Variants in POLDIP3 observed in about 807,000 individuals in gnomAD.
The protein encoded by POLDIP3 is polymerase delta-interacting protein 3.
Under a neutral mutation model 45.1 loss-of-function variants are expected in POLDIP3, and 14 were observed. The ratio of observed to expected loss-of-function variants is 0.31; its 90% CI spans 0.20 to 0.49. POLDIP3 has a LOEUF of 0.49. Ranked by LOEUF, POLDIP3 falls within the 20% of genes least tolerant of loss-of-function variation. The pLI, the probability that POLDIP3 is intolerant of heterozygous loss-of-function variation, is 0.99. For missense variants in POLDIP3, 511 were observed against 538.8 expected (o/e 0.95, Z 0.51); for synonymous variants, 223 against 205.2 (o/e 1.09, Z -0.74).
At chr22:42,599,012 C>T (rs751220283) in intron 4 of POLDIP3, among the ~76,000 whole-genome samples, 1 of 152,220 alleles carries the variant, frequency 6.6e-6, no homozygotes, top group African/African-American at 2.4e-5. Context: ...TGTTAACCAA[C>T]GGAATCCAGA....
chr22:42,599,950 A>G (rs1485598208), intron 3 of POLDIP3, among the ~76,000 whole-genome samples, 157 bp from the exon 4 acceptor site: 13 of 152,188 alleles, frequency 8.5e-5, no homozygotes, highest in Admixed American at 8.5e-4. Flanking sequence ...CTGGGGCCCA[A>G]GTCTTCACAG....
intron 4 of POLDIP3, among the ~76,000 whole-genome samples, chr22:42,599,363 G>C (rs1926200647): frequency 6.6e-6 from 1 of 152,270 alleles, no homozygotes; most frequent in Non-Finnish European, 1.5e-5. Flanking sequence ...CAGCACCTTG[G>C]GAGGCCGAGG....
Position 42,583,735 on chromosome 22 carries a change from G to A in POLDIP3, c.*2056C>T, listed in dbSNP as rs1284892914. The A allele has an allele frequency of 1.4e-5, 2 of 146,062 alleles. No individual in the cohort carries two copies. Among genetic ancestry groups the A allele is most frequent in the African/African-American group, 2.5e-5 (1 of 39,772 alleles). 9.0% of individuals were successfully genotyped at this position (146,062 alleles called of 1,614,324 possible). A position where few individuals can be genotyped will look rare whatever the true frequency, so the allele number is the denominator to read the frequency against. The stretch of plus-strand genomic sequence containing the variant: ...TAACTCAAAGGTAGGAATAACAAAT[G>A]TTTATTCAGAAATGGATAAGTAATA... On this transcript the variant is annotated 3_prime_UTR_variant, in exon 9 of 9. Transcript: ENST00000252115.
chr22:42,600,511 A>G (rs1008865578), intron 3 of POLDIP3, among the ~76,000 whole-genome samples: 2 of 152,112 alleles, frequency 1.3e-5, no homozygotes, highest in African/African-American at 4.8e-5. Flanking sequence ...CTGTAGTCCC[A>G]GCTACTCGGG....
Position 42,584,613 on chromosome 22 carries a change from G to C in POLDIP3, c.*1178C>G. On this transcript the variant is annotated 3_prime_UTR_variant, in exon 9 of 9. Transcript: ENST00000252115. The stretch of plus-strand genomic sequence containing the variant: ...ACACTGGCCTGGTCATTCAGGGACT[G>C]CCTGGGCTCTGAAGTTTCGTCCCAA... 1 of 323,754 alleles carries C rather than the reference G, an allele frequency of 3.1e-6. No individual in the cohort carries two copies. The highest frequency in any genetic ancestry group is 6.0e-6 in the Non-Finnish European group (1 of 166,664). The allele number at this position is 323,754 out of a possible 1,614,324, so 20.1% of individuals were successfully genotyped here.
chr22:42,603,941 A>T (rs1569303219), intron 1 of POLDIP3, among the ~76,000 whole-genome samples: 2 of 152,000 alleles, frequency 1.3e-5, no homozygotes. Context: ...AAAATAAAAT[A>T]TTTTTTTTAA....
At chr22:42,599,910 T>A in intron 3 of POLDIP3, 117 bp from the exon 4 acceptor site, 4 of 723,020 alleles carry the variant, frequency 5.5e-6, no homozygotes. Context: ...CAAGGAGAAG[T>A]GGGCACAGGG....
intron 1 of POLDIP3, among the ~76,000 whole-genome samples, chr22:42,604,536 G>A (rs992828795): frequency 2.6e-5 from 4 of 152,198 alleles, no homozygotes; most frequent in Admixed American, 2.6e-4. Flanking sequence ...AAACTCTGCT[G>A]CATAAACGAG....
chr22:42,603,882 T>G (rs1926557853), intron 1 of POLDIP3, among the ~76,000 whole-genome samples: 1 of 152,176 alleles, frequency 6.6e-6, no homozygotes, highest in African/African-American at 2.4e-5. Context: ...TCCTCACCAG[T>G]ATGCAATATA....
rs934843004 is a variant in POLDIP3 at position 42,610,004 on chromosome 22, C to T, written c.59+4795G>A. Among the ~76,000 whole-genome samples the T allele has an allele frequency of 3.9e-5, 6 of 152,198 alleles. 1 individual carries two copies. In the South Asian group the frequency reaches 1.2e-3, roughly 32 times the overall value. ...CCTGGCCAACATGGTGAAACCCTGTCTCTACTAAAAATACAAAAAATTAGC... is the reference window on the plus strand; with the variant it reads ...CCTGGCCAACATGGTGAAACCCTGTTTCTACTAAAAATACAAAAAATTAGC... On this transcript the variant is annotated intron_variant, in intron 1 of 8. Transcript: ENST00000252115.
intron 7 of POLDIP3, among the ~76,000 whole-genome samples, chr22:42,590,718 A>G (rs1925611529): frequency 1.3e-5 from 2 of 152,260 alleles, no homozygotes; most frequent in African/African-American, 4.8e-5. Flanking sequence ...ACTTAAGAAT[A>G]TGTAAAGTAC....
chr22:42,608,547 C>A (rs1288807262), intron 1 of POLDIP3, among the ~76,000 whole-genome samples: 2 of 152,056 alleles, frequency 1.3e-5, no homozygotes, highest in African/African-American at 2.4e-5. Context: ...AAAATTTATA[C>A]ATATATATAA....
intron 1 of POLDIP3, among the ~76,000 whole-genome samples, chr22:42,606,014 C>T (rs1221881194): frequency 3.3e-5 from 5 of 152,196 alleles, no homozygotes; most frequent in South Asian, 2.1e-4. Context: ...TGGTGGCACG[C>T]GCCTATAATC....
At chr22:42,608,934 C>T (rs540755508) in intron 1 of POLDIP3, among the ~76,000 whole-genome samples, 2 of 152,292 alleles carry the variant, frequency 1.3e-5, no homozygotes, top group African/African-American at 4.8e-5. Context: ...CTTCAGTGTT[C>T]AGGCTTTTTA....
chr22:42,588,049 A>G (rs752305428), intron 7 of POLDIP3, among the ~76,000 whole-genome samples: 1 of 152,220 alleles, frequency 6.6e-6, no homozygotes, highest in Non-Finnish European at 1.5e-5. Context: ...GAACAGGGCC[A>G]TGTGGGAGTA....
intron 6 of POLDIP3, among the ~76,000 whole-genome samples, chr22:42,594,373 T>C (rs1191193274): frequency 2.0e-5 from 3 of 152,126 alleles, no homozygotes; most frequent in Admixed American, 6.5e-5. Context: ...TAGCCAGGCG[T>C]AGTGGCAGGC....
At chr22:42,612,901 T>G (rs149357477) in intron 1 of POLDIP3, among the ~76,000 whole-genome samples, 1 of 152,142 alleles carries the variant, frequency 6.6e-6, no homozygotes, top group East Asian at 1.9e-4. Flanking sequence ...GTGAGGAAAC[T>G]GCCTAGTTCA....
At chr22:42,614,144 C>T (rs545050776) in intron 1 of POLDIP3, among the ~76,000 whole-genome samples, 1 of 152,300 alleles carries the variant, frequency 6.6e-6, no homozygotes, top group African/African-American at 2.4e-5. Flanking sequence ...CTCAGTTCTC[C>T]GTGGCCTCGG....
Position 42,585,958 on chromosome 22 carries a change from C to G in POLDIP3, c.1099G>C (p.Asp367His), listed in dbSNP as rs376410261. The change falls in exon 9 of 9, where the codon GAC (aspartate) becomes CAC (histidine). Residue 367 changes from aspartate to histidine, a missense_variant. Coordinates refer to ENST00000252115, the MANE Select transcript of POLDIP3 (RefSeq NM_032311.5). ...SDQPILLRLS[D>H]SPSMKKESEL... ...CTCTCCTTTTTCATTGATGGGCTGT[C>G]ACTCAGCCGCCTGTGGAGAGCAGAG... The G allele has an allele frequency of 6.2e-7, 1 of 1,611,588 alleles. No individual in the cohort carries two copies. The highest frequency in any genetic ancestry group is 8.5e-7 in the Non-Finnish European group (1 of 1,178,838).
Sources: allele counts gnomAD v4.1 joint callset (sites outside exome capture counted in the v4.1 genomes callset), GRCh38; gene constraint gnomAD v4.1.1; transcripts MANE v1.5; gene names NCBI Gene and HGNC (gene_info 2026-07-23, HGNC 2026-07-21).